The following ATP6V0E1 variants were observed in gnomAD, a reference collection of about 807,000 sequenced individuals.
ATP6V0E1 encodes V-type proton ATPase subunit e 1.
ATP6V0E1 carries 4 observed loss-of-function variants against 11.6 expected under a neutral mutation model. The ratio of observed to expected loss-of-function variants is 0.35; its 90% CI spans 0.17 to 0.79. ATP6V0E1 has a LOEUF of 0.79. Among genes scored for constraint, ATP6V0E1 ranks in the 30% least tolerant of loss-of-function variants. The pLI is 0.54. For missense variants in ATP6V0E1, 105 were observed against 100.0 expected (o/e 1.05, Z -0.21); for synonymous variants, 36 against 34.8 (o/e 1.04, Z -0.13).
At chr5:172,986,763 TG>T (rs1223805745) in intron 1 of ATP6V0E1, 1 of 440,342 alleles carries the variant, frequency 2.3e-6, no homozygotes, top group African/African-American at 2.2e-5. Context: ...AAGATAAGGT[TG>T]GTTTTTTGTT....
chr5:173,026,932 T>G (rs1756568686), intron 3 of ATP6V0E1, among the ~76,000 whole-genome samples: 1 of 151,996 alleles, frequency 6.6e-6, no homozygotes, highest in Admixed American at 6.6e-5. Flanking sequence ...ATCCCAGCAC[T>G]TTGGGAGGCT....
intron 3 of ATP6V0E1, among the ~76,000 whole-genome samples, chr5:173,027,419 G>A (rs1224349025): frequency 3.9e-4 from 57 of 146,700 alleles, no homozygotes; most frequent in African/African-American, 1.3e-3. Context: ...GGAGAATGGC[G>A]TGAACCCAGG....
chr5:173,025,950 G>C (rs1039430942), intron 3 of ATP6V0E1, among the ~76,000 whole-genome samples: 1 of 152,060 alleles, frequency 6.6e-6, no homozygotes, highest in Non-Finnish European at 1.5e-5. Flanking sequence ...CTTGAGCCCA[G>C]AGTTTGAGAC....
At chr5:173,008,628 G>T (rs1055620301) in intron 2 of ATP6V0E1, among the ~76,000 whole-genome samples, 1 of 147,352 alleles carries the variant, frequency 6.8e-6, no homozygotes. Context: ...AACTCAACTG[G>T]GCTGGGCGCG....
At chr5:172,997,942 C>T (rs557896189) in intron 2 of ATP6V0E1, among the ~76,000 whole-genome samples, 44 of 152,020 alleles carry the variant, frequency 2.9e-4, no homozygotes, top group African/African-American at 9.6e-4. Flanking sequence ...CATGTTGAAA[C>T]CCTTTCTCTA....
intron 3 of ATP6V0E1, among the ~76,000 whole-genome samples, chr5:173,032,546 C>T (rs1756681003): frequency 6.6e-6 from 1 of 152,086 alleles, no homozygotes; most frequent in Admixed American, 6.6e-5. Flanking sequence ...CTGCCTCGGC[C>T]TCCCAAAGTG....
At chr5:173,013,006 C>G (rs1306759539) in intron 2 of ATP6V0E1, among the ~76,000 whole-genome samples, 1 of 151,730 alleles carries the variant, frequency 6.6e-6, no homozygotes, top group Non-Finnish European at 1.5e-5. Flanking sequence ...GACCCTGTCT[C>G]TACAAAAAAT....
intron 3 of ATP6V0E1, among the ~76,000 whole-genome samples, chr5:173,025,742 A>G (rs1386126944): frequency 6.6e-6 from 1 of 151,294 alleles, no homozygotes; most frequent in Non-Finnish European, 1.5e-5. Context: ...AAGCGATCCA[A>G]CTGCCTTGGC....
intron 2 of ATP6V0E1, among the ~76,000 whole-genome samples, chr5:173,008,966 G>A (rs969215830): frequency 8.8e-5 from 13 of 147,514 alleles, no homozygotes; most frequent in Admixed American, 1.4e-4. Flanking sequence ...TGACTCATGC[G>A]TGTAATCCTA....
chr5:172,984,095 C>T (rs1051150093), intron 1 of ATP6V0E1, 131 bp downstream of exon 1: 9 of 842,576 alleles, frequency 1.1e-5, no homozygotes, highest in African/African-American at 1.7e-5. Context: ...GAGTCAGGCC[C>T]CCGACCCGGC....
rs754605378 is a variant in ATP6V0E1, at chr5:173,011,175, CTT to C, written c.153-9040_153-9039del. ...TGAATCCCTAGGCTGCCTGATTTAT[CTT>C]TTTTTTTTTTTTTTTTTTTTTTGAA... On this transcript the variant is annotated intron_variant, in intron 2 of 3. Transcript: ENST00000519374. Among the ~76,000 whole-genome samples the C allele has an allele frequency of 2.0e-3, 225 of 114,676 alleles. 2 individuals are homozygous for C. Among genetic ancestry groups the C allele is most frequent in the African/African-American group, 6.6e-3 (211 of 31,920 alleles). 75.2% of individuals were successfully genotyped at this position (114,676 alleles called of 152,430 possible).
chr5:172,985,654 C>T (rs1235865518), intron 1 of ATP6V0E1, among the ~76,000 whole-genome samples: 1 of 152,178 alleles, frequency 6.6e-6, no homozygotes, highest in Non-Finnish European at 1.5e-5. Flanking sequence ...TATTAATGTA[C>T]TAATAGCACT....
chr5:173,023,019 G>T (rs1408052924), intron 3 of ATP6V0E1, among the ~76,000 whole-genome samples: 1 of 151,682 alleles, frequency 6.6e-6, no homozygotes, highest in Non-Finnish European at 1.5e-5. Flanking sequence ...AGCACCACGT[G>T]TGACTTTTGT....
chr5:173,022,346 A>G (rs1259314113), intron 3 of ATP6V0E1, among the ~76,000 whole-genome samples: 1 of 152,176 alleles, frequency 6.6e-6, no homozygotes, highest in Non-Finnish European at 1.5e-5. Context: ...GGGTTCAGGT[A>G]ATGACAGCCT....
At chr5:173,020,036 A>G (rs1473784393) in intron 2 of ATP6V0E1, among the ~76,000 whole-genome samples, 1 of 152,190 alleles carries the variant, frequency 6.6e-6, no homozygotes, top group Admixed American at 6.5e-5. Flanking sequence ...GCTTTGTGAT[A>G]TGTCTCAAGA....
chr5:173,002,009 T>G (rs1360973457), intron 2 of ATP6V0E1, among the ~76,000 whole-genome samples: 1 of 152,156 alleles, frequency 6.6e-6, no homozygotes, highest in Non-Finnish European at 1.5e-5. Flanking sequence ...CATACTATTT[T>G]CTCTCTATAA....
At chr5:173,024,661 G>A (rs1185213384) in intron 3 of ATP6V0E1, among the ~76,000 whole-genome samples, 5 of 151,986 alleles carry the variant, frequency 3.3e-5, no homozygotes, top group Non-Finnish European at 4.4e-5. Flanking sequence ...AATCACGATC[G>A]GAGTGCTAGG....
chr5:172,994,223 G>T (rs905710838), intron 1 of ATP6V0E1, among the ~76,000 whole-genome samples: 1 of 152,136 alleles, frequency 6.6e-6, no homozygotes, highest in Admixed American at 6.6e-5. Context: ...GGGTGGGTCG[G>T]TTGGGTGAAA....
intron 2 of ATP6V0E1, among the ~76,000 whole-genome samples, chr5:173,008,228 A>C (rs1756258766): frequency 6.6e-6 from 1 of 152,106 alleles, no homozygotes; most frequent in Admixed American, 6.5e-5. Context: ...AGAGGCAATA[A>C]ATTCGTGACT....
Sources: gnomAD v4.1 joint callset for allele counts (sites outside exome capture counted in the v4.1 genomes callset) on GRCh38, gnomAD v4.1.1 for gene constraint, MANE v1.5 for transcripts, NCBI Gene and HGNC (gene_info 2026-07-23, HGNC 2026-07-21) for gene names.